NRG3: variants seen among roughly 807,000 people sequenced by gnomAD.
NRG3 encodes neuregulin 3, also known as pro-neuregulin-3, membrane-bound isoform.
In NRG3, 31 loss-of-function variants were observed where a neutral mutation model predicts 66.9. The observed-to-expected ratio is 0.46, with a 90% confidence interval of 0.35 to 0.63. NRG3 has a LOEUF of 0.63. NRG3 is among the 20% of genes least tolerant of loss of function. The probability of loss-of-function intolerance (pLI) is 0.00; values close to 1 mark genes in which losing one functional copy is unlikely to be tolerated. For missense variants in NRG3, 910 were observed against 878.9 expected (o/e 1.04, Z -0.45); for synonymous variants, 393 against 359.4 (o/e 1.09, Z -1.06).
chr10:82,178,044 T>C (rs1413832145), intron 1 of NRG3, among the ~76,000 whole-genome samples: 1 of 152,082 alleles, frequency 6.6e-6, no homozygotes. Flanking sequence ...GTCTTACCCA[T>C]CAATATTAAT....
At chr10:82,901,403 A>G (rs1339455086) in intron 4 of NRG3, among the ~76,000 whole-genome samples, 1 of 152,150 alleles carries the variant, frequency 6.6e-6, no homozygotes, top group Non-Finnish European at 1.5e-5. Context: ...GAGAGGTGGA[A>G]AAATGGTGAG....
intron 1 of NRG3, among the ~76,000 whole-genome samples, chr10:82,013,232 G>C (rs909354089): frequency 6.6e-6 from 1 of 152,106 alleles, no homozygotes; most frequent in Admixed American, 6.6e-5. Flanking sequence ...TTGTGCAGGG[G>C]AACTCTCATT....
intron 2 of NRG3, among the ~76,000 whole-genome samples, chr10:82,487,084 C>T (rs976870529): frequency 8.2e-4 from 121 of 148,046 alleles, no homozygotes; most frequent in African/African-American, 2.9e-3. Flanking sequence ...ATATATAATA[C>T]ACTATATATA....
intron 3 of NRG3, among the ~76,000 whole-genome samples, chr10:82,862,977 A>T (rs2064215249): frequency 6.6e-6 from 1 of 152,010 alleles, no homozygotes; most frequent in African/African-American, 2.4e-5. Context: ...CCCCACATGC[A>T]TTACGTATTT....
chr10:82,079,965 T>A (rs541852927), intron 1 of NRG3, among the ~76,000 whole-genome samples: 17 of 152,204 alleles, frequency 1.1e-4, no homozygotes, highest in Non-Finnish European at 2.4e-4. Flanking sequence ...TCAAGCTGTG[T>A]TTTATGTTTC....
At chr10:82,824,489 A>G (rs2062096791) in intron 3 of NRG3, among the ~76,000 whole-genome samples, 2 of 152,144 alleles carry the variant, frequency 1.3e-5, no homozygotes, top group African/African-American at 4.8e-5. Context: ...CTCACCAGCA[A>G]TGTATGCGGG....
chr10:82,679,957 C>G (rs116347591), intron 2 of NRG3, among the ~76,000 whole-genome samples: 1 of 152,064 alleles, frequency 6.6e-6, no homozygotes, highest in Non-Finnish European at 1.5e-5. Flanking sequence ...ATCAAAATAT[C>G]TATTTTGATA....
At chr10:82,435,765 G>GTTTCT (rs1474080828) in intron 2 of NRG3, among the ~76,000 whole-genome samples, 34 of 139,002 alleles carry the variant, frequency 2.4e-4, no homozygotes, top group Non-Finnish European at 3.6e-4. Flanking sequence ...TTTTGAGTGA[G>GTTTCT]TTTCTTTTCT....
intron 2 of NRG3, among the ~76,000 whole-genome samples, chr10:82,462,815 A>G (rs1378205318): frequency 6.6e-6 from 1 of 152,184 alleles, no homozygotes; most frequent in Non-Finnish European, 1.5e-5. Flanking sequence ...AGATATGACT[A>G]TACAAGTCTA....
intron 2 of NRG3, among the ~76,000 whole-genome samples, chr10:82,500,064 G>C (rs1844018293): frequency 6.6e-6 from 1 of 152,152 alleles, no homozygotes; most frequent in Admixed American, 6.6e-5. Context: ...AGAAGGACAA[G>C]AAAATAAGGC....
At chr10:82,525,804 GA>G (rs1415393224) in intron 2 of NRG3, among the ~76,000 whole-genome samples, 6 of 151,892 alleles carry the variant, frequency 4.0e-5, no homozygotes, top group African/African-American at 7.2e-5. Context: ...CTACTTTTAT[GA>G]AATAAAAGGT....
rs1466772895 is a variant in NRG3 at position 82,904,356 on chromosome 10, T to G, written c.1054+38919T>G. On this transcript the variant is annotated intron_variant, in intron 4 of 8. Coordinates refer to ENST00000372141, the MANE Select transcript of NRG3 (RefSeq NM_001010848.4). ...ATGGTGGCATGGTAATCACAGTGCC[T>G]CTTTAATGTGTCATGGATACTCATT... 2.0e-5 allele frequency among the ~76,000 whole-genome samples: 3 copies of G among 152,280 alleles called. No individual in the cohort carries two copies. The East Asian group carries it at 5.8e-4, about 29-fold the overall frequency.
chr10:82,101,673 T>G (rs1008166114), intron 1 of NRG3, among the ~76,000 whole-genome samples: 1 of 151,816 alleles, frequency 6.6e-6, no homozygotes, highest in Non-Finnish European at 1.5e-5. Context: ...AGTTCAACTC[T>G]GTTATGCTAA....
intron 3 of NRG3, among the ~76,000 whole-genome samples, chr10:82,825,482 T>C (rs73309137): frequency 0.055 from 8,331 of 152,268 alleles, 351 homozygotes; most frequent in African/African-American, 0.12. Flanking sequence ...GAAGTACAGG[T>C]ACAATATGGT....
chr10:82,461,868 C>G (rs1193914434), intron 2 of NRG3, among the ~76,000 whole-genome samples: 1 of 152,148 alleles, frequency 6.6e-6, no homozygotes, highest in Non-Finnish European at 1.5e-5. Context: ...CAGTGGCTCA[C>G]ACCTGTAATC....
At chr10:82,938,499 C>T (rs1420370385) in intron 4 of NRG3, among the ~76,000 whole-genome samples, 3 of 152,234 alleles carry the variant, frequency 2.0e-5, no homozygotes, top group African/African-American at 7.2e-5. Flanking sequence ...CAAATAGCCA[C>T]AGGGCTCTCA....
intron 4 of NRG3, among the ~76,000 whole-genome samples, chr10:82,914,127 T>C (rs755012276): frequency 6.6e-6 from 1 of 152,062 alleles, no homozygotes; most frequent in Non-Finnish European, 1.5e-5. Context: ...GTTTTTTTTT[T>C]CTAGTACTTC....
At chr10:82,381,905 TG>T (rs2085645620) in intron 2 of NRG3, among the ~76,000 whole-genome samples, 1 of 152,162 alleles carries the variant, frequency 6.6e-6, no homozygotes, top group African/African-American at 2.4e-5. Context: ...CGTGAGTTTT[TG>T]TATGTGTGTG....
At chr10:81,911,594 C>A (rs918962346) in intron 1 of NRG3, among the ~76,000 whole-genome samples, 14 of 145,114 alleles carry the variant, frequency 9.6e-5, no homozygotes, top group Middle Eastern at 3.7e-3. Flanking sequence ...CACCCTCTAG[C>A]ACAGACTTGT....
Sources: gnomAD v4.1 joint callset for allele counts (sites outside exome capture counted in the v4.1 genomes callset) on GRCh38, gnomAD v4.1.1 for gene constraint, MANE v1.5 for transcripts, NCBI Gene and HGNC (gene_info 2026-07-23, HGNC 2026-07-21) for gene names.